Variants in CFAP61 observed in about 807,000 individuals in gnomAD.
The protein encoded by CFAP61 is cilia- and flagella-associated protein 61.
Under a neutral mutation model 135.6 loss-of-function variants are expected in CFAP61, and 107 were observed. The ratio of observed to expected loss-of-function variants is 0.79; its 90% CI spans 0.67 to 0.93. CFAP61 has a LOEUF of 0.93. CFAP61 is among the 40% of genes least tolerant of loss of function. CFAP61 has a pLI of 0.00. For synonymous variants in CFAP61, 575 were observed against 578.5 expected (o/e 0.99, Z 0.09); for missense variants, 1,507 against 1,556.2 (o/e 0.97, Z 0.53).
chr20:20,241,178 C>G (rs1400424354), intron 18 of CFAP61, among the ~76,000 whole-genome samples: 2 of 152,110 alleles, frequency 1.3e-5, no homozygotes, highest in Non-Finnish European at 2.9e-5. Flanking sequence ...GAAGAACGCT[C>G]TAGACATGGT....
intron 17 of CFAP61, among the ~76,000 whole-genome samples, chr20:20,222,723 C>T (rs1057451733): frequency 6.6e-6 from 1 of 152,050 alleles, no homozygotes; most frequent in Non-Finnish European, 1.5e-5. Flanking sequence ...GAAGAGATTC[C>T]AACTGATTGG....
intron 26 of CFAP61, among the ~76,000 whole-genome samples, chr20:20,349,951 G>A (rs1010523682): frequency 1.3e-5 from 2 of 152,142 alleles, no homozygotes; most frequent in African/African-American, 4.8e-5. Flanking sequence ...AGGGAAAAAA[G>A]AACAGAGTTG....
intron 25 of CFAP61, among the ~76,000 whole-genome samples, chr20:20,338,474 G>A (rs1267147928): frequency 6.6e-6 from 1 of 151,926 alleles, no homozygotes; most frequent in African/African-American, 2.4e-5. Context: ...CTTGGAAAAA[G>A]TGATATGTTT....
chr20:20,141,554 G>A (rs1358821992), intron 8 of CFAP61, among the ~76,000 whole-genome samples: 3 of 152,176 alleles, frequency 2.0e-5, no homozygotes, highest in African/African-American at 4.8e-5. Flanking sequence ...ATGCTAGAAT[G>A]TGACTCTCTG....
intron 25 of CFAP61, among the ~76,000 whole-genome samples, chr20:20,320,002 C>T (rs529278838): frequency 3.4e-4 from 52 of 151,570 alleles, no homozygotes; most frequent in Admixed American, 2.6e-3. Flanking sequence ...TGTAGGAAAC[C>T]GAGAGGATAG....
chr20:20,329,113 C>T (rs1032004961), intron 25 of CFAP61, among the ~76,000 whole-genome samples: 1 of 152,152 alleles, frequency 6.6e-6, no homozygotes, highest in Non-Finnish European at 1.5e-5. Context: ...TGACACTTTA[C>T]TCAAGTGTCC....
chr20:20,282,538 G>A (rs564275053), intron 22 of CFAP61, among the ~76,000 whole-genome samples: 1 of 151,934 alleles, frequency 6.6e-6, no homozygotes, highest in African/African-American at 2.4e-5. Context: ...TTCAACCTTG[G>A]ATTATTTAGA....
intron 13 of CFAP61, among the ~76,000 whole-genome samples, chr20:20,176,482 G>A (rs1211425732): frequency 6.6e-6 from 1 of 152,192 alleles, no homozygotes; most frequent in Non-Finnish European, 1.5e-5. Context: ...TAAAGAAAAT[G>A]TGATACCATA....
chr20:20,357,170 C>T (rs1403059837), intron 26 of CFAP61, among the ~76,000 whole-genome samples: 7 of 94,700 alleles, frequency 7.4e-5, no homozygotes, highest in East Asian at 3.7e-4. Context: ...GAGGTGGTCA[C>T]ACTGAGGGGA....
chr20:20,335,881 G>A (rs1211386439), intron 25 of CFAP61, among the ~76,000 whole-genome samples: 3 of 152,216 alleles, frequency 2.0e-5, no homozygotes, highest in Non-Finnish European at 4.4e-5. Context: ...TGGTTGCACA[G>A]TTGTTCAGAG....
At chr20:20,181,193 ATGTATATATATGTATATATACATATG>A in intron 13 of CFAP61, among the ~76,000 whole-genome samples, 1 of 138,324 alleles carries the variant, frequency 7.2e-6, no homozygotes, top group African/African-American at 2.6e-5. Context: ...ATGCATATAT[ATGTATATATATGTATATATACATATG>A]TGTATATATA....
At chr20:20,082,720 C>T (rs556850079) in intron 6 of CFAP61, among the ~76,000 whole-genome samples, 53 of 152,294 alleles carry the variant, frequency 3.5e-4, no homozygotes, top group African/African-American at 1.3e-3. Context: ...ATTGGCTCAA[C>T]CTTGTTGCTT....
At chr20:20,343,988 C>T (rs953488903) in intron 26 of CFAP61, among the ~76,000 whole-genome samples, 2 of 152,226 alleles carry the variant, frequency 1.3e-5, no homozygotes, top group African/African-American at 4.8e-5. Flanking sequence ...GCCCAAGACA[C>T]ACTAAAGGCC....
At position 20,145,403 on chromosome 20, in the gene CFAP61, G is replaced by A. The variant is rs142477102; in HGVS notation, c.951+2455G>A. 7.9e-5 allele frequency among the ~76,000 whole-genome samples: 12 copies of A among 152,226 alleles called. No individual in the cohort carries two copies. The East Asian group carries it at 2.3e-3, about 29-fold the overall frequency. Reference sequence around the variant, plus strand: ...AAGAGTTATATCTAATAAGCCTATAGTTGAGATTAAATATCATCATAAAAA... The same window carrying A: ...AAGAGTTATATCTAATAAGCCTATAATTGAGATTAAATATCATCATAAAAA... On this transcript the variant is annotated intron_variant, in intron 9 of 26. Coordinates refer to ENST00000245957, the MANE Select transcript of CFAP61 (RefSeq NM_015585.4).
At chr20:20,355,667 A>G (rs1350634437) in intron 26 of CFAP61, among the ~76,000 whole-genome samples, 36 of 115,896 alleles carry the variant, frequency 3.1e-4, no homozygotes, top group East Asian at 5.8e-4. Context: ...AGGGGAGGTG[A>G]TCACACTAAG....
intron 13 of CFAP61, chr20:20,172,421 A>T (rs2146829157): frequency 6.9e-6 from 2 of 290,778 alleles, no homozygotes; most frequent in South Asian, 2.7e-4. Flanking sequence ...AGCTCAGGTG[A>T]TCCTCCCATC....
chr20:20,347,974 A>C (rs1288803341), intron 26 of CFAP61, among the ~76,000 whole-genome samples: 1 of 151,574 alleles, frequency 6.6e-6, no homozygotes, highest in African/African-American at 2.4e-5. Flanking sequence ...AAAAACTGAC[A>C]CAAGAAGAAA....
At chr20:20,213,807 T>C (rs2047838465) in intron 17 of CFAP61, among the ~76,000 whole-genome samples, 1 of 152,164 alleles carries the variant, frequency 6.6e-6, no homozygotes, top group Non-Finnish European at 1.5e-5. Flanking sequence ...AAAAATGACA[T>C]GCATCTGTTG....
At position 20,246,187 on chromosome 20, in the gene CFAP61, A is replaced by T. The variant is rs777602241; in HGVS notation, c.2131A>T (p.Thr711Ser). The change falls in exon 19 of 27, where the codon ACT (threonine) becomes TCT (serine). Residue 711 changes from threonine to serine, a missense_variant. Physicochemically the swap from Thr to Ser is moderately conservative, Grantham distance 58 (BLOSUM62 1). Coordinates refer to ENST00000245957, the MANE Select transcript of CFAP61 (RefSeq NM_015585.4). ...ACTCCCAGGAAAAAAACTTCTGGAC[A>T]CTGAACAAAGGAAATTTTTAGCCAG... ...HGLPGKKLLD[T>S]EQRKFLASDH... 2.5e-6 allele frequency: 4 copies of T among 1,613,354 alleles called. No individual in the cohort carries two copies. Among genetic ancestry groups the T allele is most frequent in the Non-Finnish European group, 3.4e-6 (4 of 1,179,396 alleles).
Sources: allele counts gnomAD v4.1 joint callset (sites outside exome capture counted in the v4.1 genomes callset), GRCh38; gene constraint gnomAD v4.1.1; transcripts MANE v1.5; gene names NCBI Gene and HGNC (gene_info 2026-07-23, HGNC 2026-07-21).